MACROD2: variants seen among roughly 807,000 people sequenced by gnomAD.
MACROD2 encodes the protein mono-ADP ribosylhydrolase 2, also known as ADP-ribose glycohydrolase MACROD2.
Under a neutral mutation model 70.4 loss-of-function variants are expected in MACROD2, and 36 were observed. The ratio of observed to expected loss-of-function variants is 0.51; its 90% confidence interval spans 0.39 to 0.68. The LOEUF (loss-of-function observed/expected upper bound fraction) is 0.68, where lower values mean the gene tolerates loss of function less well. Among genes scored for constraint, MACROD2 ranks in the 30% least tolerant of loss-of-function variants. The probability of loss-of-function intolerance (pLI) is 0.00; values close to 1 mark genes in which losing one functional copy is unlikely to be tolerated. For missense variants in MACROD2, 496 were observed against 538.4 expected (o/e 0.92, Z 0.78); for synonymous variants, 172 against 178.8 (o/e 0.96, Z 0.30).
rs145242352 is a variant in MACROD2, at chr20:14,891,017, T to A, written c.418+206058T>A. On this transcript the variant is annotated intron_variant, in intron 5 of 17. Transcript: ENST00000684519. ...TCCCTCCCTCCCTCCCTTCCTACCT[T>A]CCTTCCTTCCTACCTTCCTTTTCCT... Among the ~76,000 whole-genome samples the A allele has an allele frequency of 9.4e-3, 1,005 of 107,436 alleles. 9 individuals are homozygous for A. The highest frequency in any genetic ancestry group is 0.034 in the African/African-American group (884 of 25,626). The allele number at this position is 107,436 out of a possible 152,430, so 70.5% of individuals were successfully genotyped here. A position where few individuals can be genotyped will look rare whatever the true frequency, so the allele number is the denominator to read the frequency against.
At chr20:15,501,126 T>C (rs990139728) in intron 8 of MACROD2, among the ~76,000 whole-genome samples, 3 of 152,218 alleles carry the variant, frequency 2.0e-5, no homozygotes, top group Non-Finnish European at 4.4e-5. Flanking sequence ...CACTGGACGT[T>C]CCTCATTGGA....
At chr20:14,634,155 A>G (rs1984659476) in intron 4 of MACROD2, among the ~76,000 whole-genome samples, 1 of 151,988 alleles carries the variant, frequency 6.6e-6, no homozygotes, top group Admixed American at 6.6e-5. Context: ...TCAAAAGTCT[A>G]CTCACCTTTC....
At chr20:14,531,810 A>G (rs1234399787) in intron 4 of MACROD2, among the ~76,000 whole-genome samples, 1 of 152,142 alleles carries the variant, frequency 6.6e-6, no homozygotes, top group Non-Finnish European at 1.5e-5. Flanking sequence ...ACTAGCCCAC[A>G]AGAAGCTACC....
chr20:15,136,620 C>T (rs1367875291), intron 5 of MACROD2, among the ~76,000 whole-genome samples: 1 of 151,982 alleles, frequency 6.6e-6, no homozygotes, highest in East Asian at 1.9e-4. Context: ...TGGAAGAAAA[C>T]CTAGGCATTA....
At chr20:14,843,759 T>G (rs940122915) in intron 5 of MACROD2, among the ~76,000 whole-genome samples, 2 of 152,266 alleles carry the variant, frequency 1.3e-5, no homozygotes. Flanking sequence ...TGGCCCAAAC[T>G]GGCTTCTATT....
chr20:15,867,015 G>A (rs965564427), intron 9 of MACROD2, among the ~76,000 whole-genome samples: 2 of 152,142 alleles, frequency 1.3e-5, no homozygotes, highest in Admixed American at 1.3e-4. Flanking sequence ...TTATTCTGGA[G>A]GCTAGAAGCC....
intron 3 of MACROD2, among the ~76,000 whole-genome samples, chr20:14,118,899 G>T (rs1297139749): frequency 6.9e-6 from 1 of 145,510 alleles, no homozygotes; most frequent in Non-Finnish European, 1.5e-5. Flanking sequence ...AGATTGGAGT[G>T]CAATGGCGCG....
At chr20:14,238,057 C>A (rs1180317637) in intron 3 of MACROD2, among the ~76,000 whole-genome samples, 1 of 152,076 alleles carries the variant, frequency 6.6e-6, no homozygotes, top group Non-Finnish European at 1.5e-5. Context: ...TGTGTATATA[C>A]CCAGTAATGG....
At chr20:14,068,735 A>C (rs1183328833) in intron 2 of MACROD2, among the ~76,000 whole-genome samples, 1 of 152,144 alleles carries the variant, frequency 6.6e-6, no homozygotes, top group Non-Finnish European at 1.5e-5. Flanking sequence ...TTCACCCATG[A>C]TGAGAAATAT....
At chr20:14,577,715 A>G (rs530812136) in intron 4 of MACROD2, among the ~76,000 whole-genome samples, 36 of 151,988 alleles carry the variant, frequency 2.4e-4, no homozygotes, top group African/African-American at 8.7e-4. Context: ...CCAGAAATTC[A>G]AGGTTACAGT....
chr20:15,184,015 C>T (rs2076518223), intron 5 of MACROD2, among the ~76,000 whole-genome samples: 1 of 152,120 alleles, frequency 6.6e-6, no homozygotes, highest in Non-Finnish European at 1.5e-5. Flanking sequence ...GTTAAAGAAC[C>T]CAGGCCTTAT....
intron 2 of MACROD2, among the ~76,000 whole-genome samples, chr20:14,035,695 G>A (rs575899997): frequency 1.3e-5 from 2 of 152,234 alleles, no homozygotes; most frequent in East Asian, 3.9e-4. Context: ...GAATAATAAC[G>A]TATATGGTTC....
intron 3 of MACROD2, among the ~76,000 whole-genome samples, chr20:14,114,530 G>A (rs147911588): frequency 6.6e-6 from 1 of 152,200 alleles, no homozygotes; most frequent in East Asian, 1.9e-4. Flanking sequence ...GTAGCTCTGA[G>A]AGGGTGATAG....
intron 7 of MACROD2, among the ~76,000 whole-genome samples, chr20:15,444,064 G>A (rs2046530648): frequency 6.6e-6 from 1 of 152,128 alleles, no homozygotes; most frequent in Non-Finnish European, 1.5e-5. Flanking sequence ...CACATTAGCT[G>A]TCACTCCGTC....
chr20:14,768,695 C>T (rs763015932), intron 5 of MACROD2, among the ~76,000 whole-genome samples: 12 of 152,054 alleles, frequency 7.9e-5, no homozygotes, highest in Non-Finnish European at 7.4e-5. Flanking sequence ...CGGCTCACTG[C>T]AGCCTCTGCC....
At chr20:14,925,219 G>T (rs1010984518) in intron 5 of MACROD2, among the ~76,000 whole-genome samples, 1 of 151,932 alleles carries the variant, frequency 6.6e-6, no homozygotes, top group Non-Finnish European at 1.5e-5. Flanking sequence ...TTAAGATTAT[G>T]CTCATTTTCA....
chr20:15,156,986 T>G (rs1358106624), intron 5 of MACROD2, among the ~76,000 whole-genome samples: 1 of 152,268 alleles, frequency 6.6e-6, no homozygotes, highest in East Asian at 1.9e-4. Flanking sequence ...TTATGTGATT[T>G]CAGCGCTAAG....
At chr20:15,253,394 A>G (rs1024937891) in intron 6 of MACROD2, among the ~76,000 whole-genome samples, 1 of 152,218 alleles carries the variant, frequency 6.6e-6, no homozygotes, top group Non-Finnish European at 1.5e-5. Context: ...TTGCTGATCT[A>G]TAGTAAGAAA....
At chr20:15,690,568 A>G (rs2146877141) in intron 8 of MACROD2, among the ~76,000 whole-genome samples, 1 of 152,356 alleles carries the variant, frequency 6.6e-6, no homozygotes, top group African/African-American at 2.4e-5. Context: ...ACATAGGCAC[A>G]TGGATGATAT....
Sources: allele counts gnomAD v4.1 joint callset (sites outside exome capture counted in the v4.1 genomes callset), GRCh38; gene constraint gnomAD v4.1.1; transcripts MANE v1.5; gene names NCBI Gene and HGNC (gene_info 2026-07-23, HGNC 2026-07-21).